FRAS1: variants seen among roughly 807,000 people sequenced by gnomAD.
FRAS1 encodes Fraser extracellular matrix complex subunit 1, also known as extracellular matrix organizing protein FRAS1.
A neutral mutation model predicts 435.2 loss-of-function variants in FRAS1; 290 were observed. The observed-to-expected ratio is 0.67, with a 90% CI of 0.61 to 0.73. FRAS1 has a LOEUF of 0.73. Ranked by LOEUF, FRAS1 falls within the 30% of genes least tolerant of loss-of-function variation. FRAS1 has a pLI of 0.00. For missense variants in FRAS1, 4,860 were observed against 5,001.5 expected, an observed-to-expected ratio of 0.97 and a Z score of 0.85; for synonymous variants, 1,800 against 1,851.0, an observed-to-expected ratio of 0.97 and a Z score of 0.71.
At chr4:78,344,467 T>A (rs1422685927) in intron 20 of FRAS1, among the ~76,000 whole-genome samples, 1 of 77,104 alleles carries the variant, frequency 1.3e-5, no homozygotes, top group Non-Finnish European at 2.5e-5. Flanking sequence ...ACCCAGAGAA[T>A]GTGATTCCAG....
Position 78,469,508 on chromosome 4 carries a change from A to G in FRAS1, c.7258-470A>G, listed in dbSNP as rs984727585. Among the ~76,000 whole-genome samples the G allele has an allele frequency of 2.6e-5, 4 of 152,250 alleles. No individual in the cohort carries two copies. In the East Asian group the frequency reaches 5.8e-4, roughly 22 times the overall value. On this transcript the variant is annotated intron_variant, in intron 50 of 73. Transcript: ENST00000512123. ...GGAAAAAAAAAGAAAATATCTTCCCATGAAAACCTCTTTCACATCTGGCAT... is the reference window on the plus strand; with the variant it reads ...GGAAAAAAAAAGAAAATATCTTCCCGTGAAAACCTCTTTCACATCTGGCAT...
At chr4:78,385,499 CA>C (rs1187670186) in intron 28 of FRAS1, among the ~76,000 whole-genome samples, 1 of 152,172 alleles carries the variant, frequency 6.6e-6, no homozygotes. Context: ...GGTATTATCA[CA>C]TCAGGGATAA....
intron 51 of FRAS1, among the ~76,000 whole-genome samples, chr4:78,471,071 G>A (rs78659351): frequency 4.5e-4 from 69 of 152,166 alleles, no homozygotes; most frequent in African/African-American, 1.6e-3. Context: ...AAAGAAGCGG[G>A]GCATTTTTGT....
chr4:78,520,144 A>G (rs1406663206), intron 67 of FRAS1, among the ~76,000 whole-genome samples: 1 of 149,880 alleles, frequency 6.7e-6, no homozygotes, highest in Non-Finnish European at 1.5e-5. Flanking sequence ...CCTCACCCCC[A>G]CTCAGTTTCC....
intron 64 of FRAS1, among the ~76,000 whole-genome samples, 155 bp from the exon 65 acceptor site, chr4:78,513,237 C>A (rs189444329): frequency 2.6e-5 from 4 of 152,134 alleles, no homozygotes; most frequent in Admixed American, 1.3e-4. Flanking sequence ...TATGTATACC[C>A]CCTGTTCAGA....
chr4:78,183,294 C>T (rs1722115349), intron 2 of FRAS1, among the ~76,000 whole-genome samples: 1 of 152,094 alleles, frequency 6.6e-6, no homozygotes, highest in East Asian at 1.9e-4. Flanking sequence ...ATCTCTAGGG[C>T]AGGTATTTTA....
chr4:78,275,697 T>C (rs984378775), intron 9 of FRAS1, among the ~76,000 whole-genome samples: 1 of 152,262 alleles, frequency 6.6e-6, no homozygotes, highest in African/African-American at 2.4e-5. Flanking sequence ...GTTAGTCTGA[T>C]GGGCTTCCCT....
At chr4:78,098,581 A>G (rs561304376) in intron 2 of FRAS1, among the ~76,000 whole-genome samples, 5 of 152,136 alleles carry the variant, frequency 3.3e-5, no homozygotes, top group Non-Finnish European at 5.9e-5. Context: ...GGCAGGATAG[A>G]TCTTGATTCT....
At chr4:78,147,060 C>T (rs1199942321) in intron 2 of FRAS1, among the ~76,000 whole-genome samples, 1 of 152,084 alleles carries the variant, frequency 6.6e-6, no homozygotes, top group Non-Finnish European at 1.5e-5. Flanking sequence ...CAAAACCCTG[C>T]CCCTTTCCTG....
chr4:78,086,751 T>A (rs867483051), intron 2 of FRAS1, among the ~76,000 whole-genome samples: 1 of 151,558 alleles, frequency 6.6e-6, no homozygotes, highest in African/African-American at 2.4e-5. Context: ...CTGAATAAAC[T>A]AATAGGCTCT....
chr4:78,122,661 T>C (rs893219103), intron 2 of FRAS1, among the ~76,000 whole-genome samples: 7 of 152,326 alleles, frequency 4.6e-5, no homozygotes, highest in Non-Finnish European at 1.0e-4. Context: ...TTTTTAATGA[T>C]CGCCATTCTA....
intron 4 of FRAS1, among the ~76,000 whole-genome samples, chr4:78,249,074 T>TATATATATGC (rs370884141): frequency 3.2e-5 from 3 of 94,748 alleles, no homozygotes; most frequent in Non-Finnish European, 4.3e-5. Flanking sequence ...CATATATATA[T>TATATATATGC]ATATATATAT....
At chr4:78,080,806 A>T (rs187781276) in intron 2 of FRAS1, among the ~76,000 whole-genome samples, 181 of 151,946 alleles carry the variant, frequency 1.2e-3, no homozygotes, top group African/African-American at 4.2e-3. Flanking sequence ...CTGTGGCAAG[A>T]CTATTTTTGT....
rs569067492 is a variant in FRAS1, at chr4:78,105,891, G to A, written c.108+39875G>A. Among the ~76,000 whole-genome samples, 9 of 136,736 alleles carry A rather than the reference G, an allele frequency of 6.6e-5. No homozygotes were observed. In the South Asian group the frequency reaches 1.3e-3, roughly 20 times the overall value. The allele number at this position is 136,736 out of a possible 152,430, so 89.7% of individuals were successfully genotyped here. A position where few individuals can be genotyped will look rare whatever the true frequency, so the allele number is the denominator to read the frequency against. Reference sequence around the variant, plus strand: ...AGTGGGCGCAGGCCAGTGTGTGCGCGCACCGTGCGCGAGCCGAAGCAGGGC... The same window carrying A: ...AGTGGGCGCAGGCCAGTGTGTGCGCACACCGTGCGCGAGCCGAAGCAGGGC... On this transcript the variant is annotated intron_variant, in intron 2 of 73. Transcript: ENST00000512123.
chr4:78,462,807 C>G (rs528329903), intron 47 of FRAS1, among the ~76,000 whole-genome samples: 5 of 152,214 alleles, frequency 3.3e-5, no homozygotes, highest in African/African-American at 9.6e-5. Flanking sequence ...AATTAATGCC[C>G]CCATATTCGG....
At chr4:78,519,561 A>C (rs1721324461) in intron 67 of FRAS1, 80 bp downstream of exon 67, 5 of 1,482,064 alleles carry the variant, frequency 3.4e-6, no homozygotes, top group Non-Finnish European at 4.6e-6. Context: ...GTGACTTTTA[A>C]CAGTAGCTGC....
intron 14 of FRAS1, among the ~76,000 whole-genome samples, chr4:78,292,400 A>G (rs551140815): frequency 1.8e-4 from 27 of 152,322 alleles, no homozygotes; most frequent in African/African-American, 6.5e-4. Context: ...GTTTATAATA[A>G]AAAAACCTAT....
At chr4:78,283,079 G>T in intron 12 of FRAS1, 112 bp downstream of exon 12, 3 of 779,696 alleles carry the variant, frequency 3.8e-6, no homozygotes, top group South Asian at 3.7e-5. Flanking sequence ...GTTAACCAAT[G>T]GGTTTGTTTG....
rs1333079836 is a variant in FRAS1 at position 78,387,636 on chromosome 4, G to C, written c.3910G>C (p.Val1304Leu). 26 of 1,607,100 alleles carry C rather than the reference G, an allele frequency of 1.6e-5. No homozygotes were observed. Among genetic ancestry groups the C allele is most frequent in the Non-Finnish European group, 2.2e-5 (26 of 1,175,288 alleles). ...TTCAGACAGCACATCCGATGTTGCA[G>C]TCTTGCAGGCCAATGATGGACACTC... ...DGSDSTSDVAVLQANDGHSFH... is the reference protein window; with the variant it reads ...DGSDSTSDVALLQANDGHSFH... Residue 1304 changes from valine to leucine, a missense_variant, in exon 29 of 74, where the codon GTC (valine) becomes CTC (leucine). Physicochemically the swap from Val to Leu is conservative, Grantham distance 32 (BLOSUM62 1). Transcript: ENST00000512123.
Sources: allele counts gnomAD v4.1 joint callset (sites outside exome capture counted in the v4.1 genomes callset), GRCh38; gene constraint gnomAD v4.1.1; transcripts MANE v1.5; gene names NCBI Gene and HGNC (gene_info 2026-07-23, HGNC 2026-07-21).